SKIC3: variants seen among roughly 807,000 people sequenced by gnomAD.
SKIC3 encodes the protein superkiller complex protein 3.
At chr5:95,522,065 G>A in the SKIC3 span, 1 of 1,613,504 alleles carries the variant, frequency 6.2e-7, no homozygotes, top group Non-Finnish European at 8.5e-7. Flanking sequence ...TTTTAAAGCA[G>A]GCACATAATC....
chr5:95,507,100 T>C, the SKIC3 span: 3 of 1,241,080 alleles, frequency 2.4e-6, no homozygotes, highest in African/African-American at 3.0e-5. Flanking sequence ...TTTTTGTTCA[T>C]TTAATTCTAC....
chr5:95,498,501 T>G, the SKIC3 span: 1 of 1,614,250 alleles, frequency 6.2e-7, no homozygotes, highest in Non-Finnish European at 8.5e-7. Flanking sequence ...ACTCATTAAG[T>G]GCTGCTTTTG....
the SKIC3 span, among the ~76,000 whole-genome samples, chr5:95,539,395 G>A: frequency 1.3e-3 from 204 of 152,120 alleles, no homozygotes; most frequent in African/African-American, 4.8e-3. Flanking sequence ...AAACCACAAT[G>A]CAATACCACC....
the SKIC3 span, among the ~76,000 whole-genome samples, chr5:95,551,899 T>C: frequency 3.1e-3 from 477 of 152,320 alleles, 5 homozygotes; most frequent in East Asian, 0.037. Flanking sequence ...ATGTCCTATC[T>C]ACTATTATTC....
chr5:95,524,552 T>A, the SKIC3 span: 2 of 1,613,800 alleles, frequency 1.2e-6, no homozygotes, highest in Middle Eastern at 1.7e-4. Context: ...GGTAATGATA[T>A]TCTGCAACTT....
At chr5:95,510,388 T>C in the SKIC3 span, among the ~76,000 whole-genome samples, 1 of 152,338 alleles carries the variant, frequency 6.6e-6, no homozygotes, top group South Asian at 2.1e-4. Context: ...CCTTCTTGCC[T>C]AGCGACTAGA....
At chr5:95,540,085 C>A in the SKIC3 span, among the ~76,000 whole-genome samples, 1 of 152,072 alleles carries the variant, frequency 6.6e-6, no homozygotes, top group Non-Finnish European at 1.5e-5. Context: ...CACATACACA[C>A]ACAATGGAAT....
At chr5:95,553,220 C>T in the SKIC3 span, among the ~76,000 whole-genome samples, 2 of 152,316 alleles carry the variant, frequency 1.3e-5, no homozygotes, top group South Asian at 2.1e-4. Context: ...GCACCTGCTC[C>T]TATTGACACT....
At chr5:95,497,852 G>A in the SKIC3 span, among the ~76,000 whole-genome samples, 1 of 151,824 alleles carries the variant, frequency 6.6e-6, no homozygotes, top group Non-Finnish European at 1.5e-5. Flanking sequence ...TAAGGAATAA[G>A]CTTTATATTA....
chr5:95,491,039 G>C, the SKIC3 span: 1 of 1,613,558 alleles, frequency 6.2e-7, no homozygotes, highest in Non-Finnish European at 8.5e-7. Flanking sequence ...AGGATCACCT[G>C]AAAACAGGAA....
chr5:95,508,873 A>T, the SKIC3 span, among the ~76,000 whole-genome samples: 1 of 152,340 alleles, frequency 6.6e-6, no homozygotes, highest in East Asian at 1.9e-4. Context: ...AGTCATTCAA[A>T]CAAACACATC....
chr5:95,480,173 T>C, the SKIC3 span, among the ~76,000 whole-genome samples: 1 of 151,934 alleles, frequency 6.6e-6, no homozygotes. Context: ...TTCATGAACC[T>C]AGAGTAAGCA....
At chr5:95,476,243 G>A in the SKIC3 span, among the ~76,000 whole-genome samples, 1 of 152,154 alleles carries the variant, frequency 6.6e-6, no homozygotes, top group Non-Finnish European at 1.5e-5. Context: ...TGAGTTGAAT[G>A]CCGCAGCCCT....
At chr5:95,482,776 A>C in the SKIC3 span, 1 of 833,300 alleles carries the variant, frequency 1.2e-6, no homozygotes, top group Non-Finnish European at 1.9e-6. Flanking sequence ...AAATAATTAA[A>C]TAAACAAAAC....
chr5:95,520,728 T>G, the SKIC3 span: 3 of 1,609,524 alleles, frequency 1.9e-6, no homozygotes, highest in Non-Finnish European at 2.5e-6. Context: ...AGTAAAATAT[T>G]CCAGTGCTTT....
At chr5:95,512,754 C>T in the SKIC3 span, 1 of 980,788 alleles carries the variant, frequency 1.0e-6, no homozygotes, top group Non-Finnish European at 1.5e-6. Flanking sequence ...TTAAAAGTAC[C>T]TTTAAATGAA....
the SKIC3 span, chr5:95,523,063 C>A: frequency 8.4e-7 from 1 of 1,193,994 alleles, no homozygotes; most frequent in Non-Finnish European, 1.2e-6. Flanking sequence ...GCCCTGCAAA[C>A]AATAAACACC....
chr5:95,499,420 G>A, the SKIC3 span, among the ~76,000 whole-genome samples: 45 of 152,026 alleles, frequency 3.0e-4, no homozygotes, highest in African/African-American at 9.9e-4. Flanking sequence ...TCCTGAGGCC[G>A]CCCCAGAAGC....
At chr5:95,552,901 T>C in the SKIC3 span, among the ~76,000 whole-genome samples, 8 of 151,928 alleles carry the variant, frequency 5.3e-5, no homozygotes, top group Admixed American at 5.2e-4. Flanking sequence ...GAAGGACTGT[T>C]GAAAGGGAGA....
Sources: gnomAD v4.1 joint callset for allele counts (sites outside exome capture counted in the v4.1 genomes callset) on GRCh38, gnomAD v4.1.1 for gene constraint, MANE v1.5 for transcripts, NCBI Gene and HGNC (gene_info 2026-07-23, HGNC 2026-07-21) for gene names.